The following KRT7 variants were observed in gnomAD, a reference collection of about 807,000 sequenced individuals.
The protein encoded by KRT7 is keratin 7.
KRT7 carries 50 observed loss-of-function variants against 42.8 expected under a neutral mutation model. The observed-to-expected ratio is 1.17, with a 90% CI of 0.93 to 1.48. The LOEUF (loss-of-function observed/expected upper bound fraction) is 1.48. Among genes scored for constraint, KRT7 ranks in the 40% most tolerant of loss-of-function variants. The pLI is 0.00. For missense variants in KRT7, 588 were observed against 637.6 expected, an observed-to-expected ratio of 0.92 and a Z score of 0.84; for synonymous variants, 268 against 266.3, an observed-to-expected ratio of 1.01 and a Z score of -0.06.
downstream of KRT7, chr12:52,252,153 A>G (rs1303033883): frequency 2.2e-6 from 3 of 1,365,164 alleles, no homozygotes; most frequent in Non-Finnish European, 3.1e-6. Context: ...ATTAGCGTTG[A>G]TGCACATTCC....
intron 7 of KRT7, among the ~76,000 whole-genome samples, chr12:52,246,871 G>A (rs966804603): frequency 6.6e-6 from 1 of 152,114 alleles, no homozygotes; most frequent in African/African-American, 2.4e-5. Flanking sequence ...TCTTAGAGTG[G>A]TACCTGATCT....
chr12:52,235,110 C>T (rs756450266), intron 1 of KRT7, 45 bp from the exon 2 acceptor site: 6 of 1,575,378 alleles, frequency 3.8e-6, no homozygotes, highest in Non-Finnish European at 5.2e-6. Context: ...CTGTGGGTGG[C>T]ACGCTCTGGC....
At chr12:52,254,450 C>T (rs75819148), downstream of KRT7, 5,419 of 514,354 alleles carry the variant, frequency 0.011, 234 homozygotes, top group African/African-American at 0.095. Context: ...GGCACCCCAT[C>T]AGGCTGAGCA....
At position 52,248,607 on chromosome 12, in the gene KRT7, T is replaced by TGGTGGCAGTAGCAGTGGC; in HGVS notation, c.1265_1282dup (p.Ser422_Gly427dup). On this transcript the variant is annotated inframe_insertion, in exon 9 of 9. Transcript: ENST00000331817. ...CTCTCCCAGCTGTGATGAATTCCACTGGTGGCAGTAGCAGTGGCGGTGGCA... is the reference window on the plus strand; with the variant it reads ...CTCTCCCAGCTGTGATGAATTCCACTGGTGGCAGTAGCAGTGGCGGTGGCAGTAGCAGTGGCGGTGGCA... 1 of 1,590,848 alleles carries TGGTGGCAGTAGCAGTGGC rather than the reference T, an allele frequency of 6.3e-7. No individual in the cohort carries two copies. Among genetic ancestry groups the TGGTGGCAGTAGCAGTGGC allele is most frequent in the Admixed American group, 1.8e-5 (1 of 55,848 alleles).
At chr12:52,235,995 G>A (rs1470700330) in intron 2 of KRT7, among the ~76,000 whole-genome samples, 1 of 152,110 alleles carries the variant, frequency 6.6e-6, no homozygotes, top group Non-Finnish European at 1.5e-5. Flanking sequence ...CTGGGACTGG[G>A]GCTTTTGAGG....
At chr12:52,241,659 T>C (rs2243588) in intron 5 of KRT7, 23 bp downstream of exon 5, 1,283,586 of 1,581,016 alleles carry the variant, frequency 0.81, 522,036 homozygotes, top group East Asian at 0.9. Context: ...CAGGGGCGTA[T>C]TTCCTCCTGC....
intron 7 of KRT7, 121 bp downstream of exon 7, chr12:52,245,753 G>A: frequency 1.6e-6 from 2 of 1,283,802 alleles, no homozygotes; most frequent in Non-Finnish European, 2.1e-6. Context: ...TGGGTGTGGG[G>A]ATGCAGGGAA....
At chr12:52,244,964 A>C (rs1294022918) in intron 6 of KRT7, 1 of 186,556 alleles carries the variant, frequency 5.4e-6, no homozygotes, top group Non-Finnish European at 1.1e-5. Context: ...GACTCAATTA[A>C]GATCCCATGG....
intron 7 of KRT7, 151 bp from the exon 8 acceptor site, chr12:52,248,026 C>T: frequency 2.7e-6 from 2 of 735,826 alleles, no homozygotes; most frequent in South Asian, 1.7e-5. Flanking sequence ...TGCCTCCTCG[C>T]TCCTTTTACA....
At position 52,235,290 on chromosome 12, in the gene KRT7, G is replaced by A; in HGVS notation, c.460G>A (p.Ala154Thr). 6.2e-7 allele frequency: 1 copy of A among 1,614,142 alleles called. No individual in the cohort carries two copies. Among genetic ancestry groups the A allele is most frequent in the Non-Finnish European group, 8.5e-7 (1 of 1,180,010 alleles). Residue 154 changes from alanine to threonine, a missense_variant, in exon 2 of 9, where the codon GCA (alanine) becomes ACA (threonine). Physicochemically the swap from Ala to Thr is moderately conservative, Grantham distance 58. Transcript: ENST00000331817. ...TGCTGGCCTTCGGGGTCAGCTTGAG[G>A]CACTGCAGGTGGATGGGGGCCGCCT... is the stretch of plus-strand genomic sequence containing the variant. ...QIAGLRGQLE[A>T]LQVDGGRLEA...
At chr12:52,250,000 G>C (rs1313307961), downstream of KRT7, among the ~76,000 whole-genome samples, 1 of 152,170 alleles carries the variant, frequency 6.6e-6, no homozygotes, top group Non-Finnish European at 1.5e-5. Context: ...GACTCTCAGG[G>C]CACAATGCAT....
At chr12:52,253,592 G>A, downstream of KRT7, 1 of 1,590,952 alleles carries the variant, frequency 6.3e-7, no homozygotes, top group Non-Finnish European at 8.6e-7. Flanking sequence ...GGTGTCCTGT[G>A]CCACTCACCT....
intron 7 of KRT7, chr12:52,247,829 G>C: frequency 3.0e-6 from 1 of 329,560 alleles, no homozygotes; most frequent in Non-Finnish European, 5.6e-6. Context: ...AACACATACA[G>C]CTACCATTCA....
At chr12:52,247,847 C>A in intron 7 of KRT7, 1 of 364,236 alleles carries the variant, frequency 2.7e-6, no homozygotes, top group South Asian at 3.8e-5. Context: ...TCACCGAATC[C>A]CAGGTGCTCA....
downstream of KRT7, chr12:52,252,014 A>G (rs919192166): frequency 4.4e-6 from 3 of 686,720 alleles, no homozygotes; most frequent in Non-Finnish European, 7.9e-6. Flanking sequence ...GACCCACAAA[A>G]TGGATTACTT....
At chr12:52,252,546 C>G (rs994335258), downstream of KRT7, 5 of 1,565,470 alleles carry the variant, frequency 3.2e-6, no homozygotes, top group Admixed American at 7.2e-5. Context: ...GCCAGGTAAC[C>G]ACTGACCACT....
In KRT7 at chr12:52,248,800, A is replaced by T; in HGVS notation, c.*40A>T. 6.7e-7 allele frequency: 1 copy of T among 1,485,200 alleles called. No individual in the cohort carries two copies. Among genetic ancestry groups the T allele is most frequent in the Non-Finnish European group, 8.9e-7 (1 of 1,119,394 alleles). The allele number at this position is 1,485,200 out of a possible 1,614,324, so 92.0% of individuals were successfully genotyped here. ...CTCCACTCCTCCAGCCACCACCCAC[A>T]ATCACAAGAAGATTCCCACCCCTGC... On this transcript the variant is annotated 3_prime_UTR_variant, in exon 9 of 9. Coordinates refer to ENST00000331817, the MANE Select transcript of KRT7 (RefSeq NM_005556.4).
intron 6 of KRT7, among the ~76,000 whole-genome samples, chr12:52,244,861 C>T (rs1942145421): frequency 6.6e-6 from 1 of 152,118 alleles, no homozygotes. Context: ...AGGAGGGTCT[C>T]TCTGCTCCAG....
chr12:52,249,777 G>C (rs900522745), downstream of KRT7, among the ~76,000 whole-genome samples: 7 of 152,200 alleles, frequency 4.6e-5, no homozygotes, highest in East Asian at 5.8e-4. Context: ...TGGTGTGGAT[G>C]GGGGAGCTAT....
Sources: gnomAD v4.1 joint callset for allele counts (sites outside exome capture counted in the v4.1 genomes callset) on GRCh38, gnomAD v4.1.1 for gene constraint, MANE v1.5 for transcripts, NCBI Gene and HGNC (gene_info 2026-07-23, HGNC 2026-07-21) for gene names.